Variants in ANTXR1 observed in about 807,000 individuals in gnomAD.
ANTXR1 encodes ANTXR cell adhesion molecule 1.
ANTXR1 carries 19 observed loss-of-function variants against 78.1 expected under a neutral mutation model. That is an observed-to-expected ratio of 0.24 (90% CI 0.17 to 0.36). The LOEUF (loss-of-function observed/expected upper bound fraction) is 0.36. ANTXR1 is among the 10% of genes least tolerant of loss of function. The pLI is 1.00. For synonymous variants in ANTXR1, 273 were observed against 260.5 expected, an observed-to-expected ratio of 1.05 and a Z score of -0.46; for missense variants, 518 against 718.6, an observed-to-expected ratio of 0.72 and a Z score of 3.19.
chr2:69,096,282 A>AAGGAAGGG (rs1258672829), intron 9 of ANTXR1, among the ~76,000 whole-genome samples: 296 of 34,340 alleles, frequency 8.6e-3, no homozygotes, highest in Middle Eastern at 0.012. Flanking sequence ...GGAAGGAAGG[A>AAGGAAGGG]AGGAAGGGAG....
At chr2:69,057,484 A>G (rs765361163) in intron 3 of ANTXR1, among the ~76,000 whole-genome samples, 1 of 152,184 alleles carries the variant, frequency 6.6e-6, no homozygotes, top group Non-Finnish European at 1.5e-5. Context: ...GTGATCTGTG[A>G]TCAGTCATCT....
In ANTXR1 at chr2:69,182,400, T is replaced by C. The variant is rs145079069; in HGVS notation, c.1186-93T>C. On this transcript the variant is annotated intron_variant, in intron 15 of 17. Coordinates refer to ENST00000303714, the MANE Select transcript of ANTXR1 (RefSeq NM_032208.3). ...CAAAGGAATCCAGGGTTGGGTAGCA[T>C]TCACATTGCAACTCATGCATGTATT... The C allele has an allele frequency of 1.7e-3, 2,494 of 1,455,948 alleles. 11 individuals are homozygous for C. Among genetic ancestry groups the C allele is most frequent in the South Asian group, 6.9e-3 (570 of 83,202 alleles). The allele number at this position is 1,455,948 out of a possible 1,614,324, so 90.2% of individuals were successfully genotyped here. A position where few individuals can be genotyped will look rare whatever the true frequency, so the allele number is the denominator to read the frequency against.
At chr2:69,107,643 C>A (rs1235371035) in intron 10 of ANTXR1, among the ~76,000 whole-genome samples, 1 of 151,690 alleles carries the variant, frequency 6.6e-6, no homozygotes, top group African/African-American at 2.4e-5. Flanking sequence ...AGATCAAGCT[C>A]GCTGATGACA....
chr2:69,019,889 C>T (rs777282025), intron 1 of ANTXR1, among the ~76,000 whole-genome samples: 1 of 152,190 alleles, frequency 6.6e-6, no homozygotes. Context: ...CAGCTCCACC[C>T]ATGTTCCTGC....
intron 12 of ANTXR1, among the ~76,000 whole-genome samples, chr2:69,131,870 A>G (rs989535978): frequency 1.3e-5 from 2 of 152,154 alleles, no homozygotes; most frequent in Non-Finnish European, 2.9e-5. Flanking sequence ...CAGGGGAAAA[A>G]ATCTGCCAGG....
Position 69,013,669 on chromosome 2 carries a change from TC to T in ANTXR1, c.152+25del, listed in dbSNP as rs200181645. The T allele has an allele frequency of 1.9e-6, 3 of 1,550,912 alleles. No homozygotes were observed. Among genetic ancestry groups the T allele is most frequent in the Middle Eastern group, 1.7e-4 (1 of 5,862 alleles). The stretch of plus-strand genomic sequence containing the variant: ...TTGGACAAGTAAGTGCCGCGAGTTG[TC>T]CCCCCCACCCCAGGCTAAGCGGGCG... On this transcript the variant is annotated intron_variant, in intron 1 of 17. Coordinates refer to ENST00000303714, the MANE Select transcript of ANTXR1 (RefSeq NM_032208.3). The surrounding 1 kb of genome is among the most constrained non-coding windows in gnomAD (Gnocchi z 5.0).
At chr2:69,030,056 G>C (rs2104026173) in intron 1 of ANTXR1, among the ~76,000 whole-genome samples, 1 of 152,340 alleles carries the variant, frequency 6.6e-6, no homozygotes, top group Non-Finnish European at 1.5e-5. Flanking sequence ...CTTCTGGGTA[G>C]CAAGAGGGAG....
chr2:69,133,537 C>CAAT (rs1672819733), intron 12 of ANTXR1, among the ~76,000 whole-genome samples: 1 of 152,162 alleles, frequency 6.6e-6, no homozygotes, highest in African/African-American at 2.4e-5. Context: ...GAGGGAAGCA[C>CAAT]AATGCATTAT....
Position 69,023,269 on chromosome 2 carries a change from GATGGTT to G in ANTXR1, c.152+9624_152+9629del, listed in dbSNP as rs1351163374. 5.3e-5 allele frequency among the ~76,000 whole-genome samples: 8 copies of G among 152,242 alleles called. No homozygotes were observed. In the East Asian group the frequency reaches 1.3e-3, roughly 26 times the overall value. On this transcript the variant is annotated intron_variant, in intron 1 of 17. Coordinates refer to ENST00000303714, the MANE Select transcript of ANTXR1 (RefSeq NM_032208.3). ...TGCTGAGACGATAGATGGTGATGGT[GATGGTT>G]ATGGTGGTGGAGGTGGACGTGATGA... is the stretch of plus-strand genomic sequence containing the variant.
chr2:69,194,081 A>G lies in ANTXR1; in HGVS notation c.1434+666A>G, dbSNP rs139434546. Among the ~76,000 whole-genome samples the G allele has an allele frequency of 9.2e-5, 14 of 152,350 alleles. No individual in the cohort carries two copies. In the East Asian group the frequency reaches 2.7e-3, roughly 29 times the overall value. ...TCATTTTGTAAATGAAGAAAGAAAAACAAACAAAAACAAAAATCACCTAAT... is the reference window on the plus strand; with the variant it reads ...TCATTTTGTAAATGAAGAAAGAAAAGCAAACAAAAACAAAAATCACCTAAT... On this transcript the variant is annotated intron_variant, in intron 17 of 17. Coordinates refer to ENST00000303714, the MANE Select transcript of ANTXR1 (RefSeq NM_032208.3).
chr2:69,199,910 T>G (rs1208216833), intron 17 of ANTXR1, among the ~76,000 whole-genome samples: 2 of 152,344 alleles, frequency 1.3e-5, no homozygotes, highest in East Asian at 3.9e-4. Flanking sequence ...TTCATGGGCT[T>G]TTAACAGTCC....
At chr2:69,149,361 A>T (rs961838335) in intron 12 of ANTXR1, among the ~76,000 whole-genome samples, 4 of 152,272 alleles carry the variant, frequency 2.6e-5, no homozygotes, top group Non-Finnish European at 5.9e-5. Flanking sequence ...AAAGCCAGGA[A>T]ATCTCCCAGT....
At chr2:69,149,728 A>G (rs1673340541) in intron 12 of ANTXR1, among the ~76,000 whole-genome samples, 1 of 152,214 alleles carries the variant, frequency 6.6e-6, no homozygotes, top group Middle Eastern at 3.2e-3. Context: ...AAGATAGCTT[A>G]CATCATTTTA....
chr2:69,217,945 C>G (rs1181090030), intron 17 of ANTXR1, among the ~76,000 whole-genome samples: 1 of 152,154 alleles, frequency 6.6e-6, no homozygotes, highest in Non-Finnish European at 1.5e-5. Flanking sequence ...TGGACTGGCC[C>G]CAGGCTGATT....
intron 17 of ANTXR1, among the ~76,000 whole-genome samples, chr2:69,225,876 G>A (rs1675438341): frequency 6.6e-6 from 1 of 152,200 alleles, no homozygotes. Context: ...AAAGAAAGAA[G>A]GCTGAAAGGC....
intron 3 of ANTXR1, among the ~76,000 whole-genome samples, chr2:69,049,172 A>T (rs1188097457): frequency 6.6e-6 from 1 of 152,138 alleles, no homozygotes; most frequent in South Asian, 2.1e-4. Context: ...AAAAACGTGC[A>T]TGTCAGTGGG....
intron 17 of ANTXR1, among the ~76,000 whole-genome samples, chr2:69,232,136 GA>G (rs1273475530): frequency 6.6e-6 from 1 of 152,110 alleles, no homozygotes; most frequent in Non-Finnish European, 1.5e-5. Flanking sequence ...AAACGTTGGA[GA>G]AAAGTAACTT....
At chr2:69,142,469 A>G (rs961795098) in intron 12 of ANTXR1, among the ~76,000 whole-genome samples, 1 of 152,248 alleles carries the variant, frequency 6.6e-6, no homozygotes, top group African/African-American at 2.4e-5. Flanking sequence ...AATAAAGTAG[A>G]TAAGACAGAG....
intron 12 of ANTXR1, among the ~76,000 whole-genome samples, chr2:69,149,560 G>C (rs922873173): frequency 1.3e-5 from 2 of 152,292 alleles, no homozygotes; most frequent in South Asian, 4.1e-4. Context: ...AATAAACGTA[G>C]TCTGTAGACT....
Sources: allele counts gnomAD v4.1 joint callset (sites outside exome capture counted in the v4.1 genomes callset), GRCh38; gene constraint gnomAD v4.1.1; non-coding constraint Gnocchi (gnomAD v3.1); transcripts MANE v1.5; gene names NCBI Gene and HGNC (gene_info 2026-07-23, HGNC 2026-07-21).